The following NXPH1 variants were observed in gnomAD, a reference collection of about 807,000 sequenced individuals.
NXPH1 encodes the protein neurexophilin-1.
NXPH1 carries 5 observed loss-of-function variants against 23.7 expected under a neutral mutation model. The observed-to-expected ratio is 0.21, with a 90% confidence interval of 0.11 to 0.44. The LOEUF is 0.44. Among genes scored for constraint, NXPH1 ranks in the 20% least tolerant of loss-of-function variants. The pLI is 0.99. For synonymous variants in NXPH1, 144 were observed against 122.2 expected (o/e 1.18, Z -1.18); for missense variants, 324 against 321.6 (o/e 1.01, Z -0.06).
Position 8,557,368 on chromosome 7 carries a change from C to G in NXPH1, c.54+121601C>G, listed in dbSNP as rs140577007. On this transcript the variant is annotated intron_variant, in intron 2 of 2. Transcript: ENST00000405863. ...TCAAATATCTCATAACAATGTCAAT[C>G]AACACCTTCCTTTAAAACATTCAGA... Among the ~76,000 whole-genome samples, 424 of 151,846 alleles carry G rather than the reference C, an allele frequency of 2.8e-3. 3 individuals carry two copies. The highest frequency in any genetic ancestry group is 9.7e-3 in the African/African-American group (401 of 41,508).
intron 2 of NXPH1, among the ~76,000 whole-genome samples, chr7:8,655,396 GTCTTTC>G (rs1238808312): frequency 3.6e-5 from 5 of 139,242 alleles, no homozygotes; most frequent in African/African-American, 1.4e-4. Context: ...CTTTGTCTTT[GTCTTTC>G]TCTCTCTCTC....
chr7:8,731,189 C>T (rs1165997919), intron 2 of NXPH1, among the ~76,000 whole-genome samples: 2 of 152,094 alleles, frequency 1.3e-5, no homozygotes, highest in East Asian at 1.9e-4. Flanking sequence ...TTTTCAGCTC[C>T]ATCAGCTCCT....
chr7:8,703,816 A>G (rs1779664329), intron 2 of NXPH1, among the ~76,000 whole-genome samples: 1 of 152,072 alleles, frequency 6.6e-6, no homozygotes, highest in Non-Finnish European at 1.5e-5. Context: ...AACCCACTAG[A>G]AAGAGACATA....
chr7:8,479,225 C>T (rs988745223), intron 2 of NXPH1, among the ~76,000 whole-genome samples: 1 of 152,012 alleles, frequency 6.6e-6, no homozygotes, highest in Non-Finnish European at 1.5e-5. Context: ...AGTGGGGATA[C>T]AAATGAGGTA....
At chr7:8,694,248 G>A (rs907748822) in intron 2 of NXPH1, among the ~76,000 whole-genome samples, 14 of 152,292 alleles carry the variant, frequency 9.2e-5, no homozygotes, top group African/African-American at 2.6e-4. Context: ...GTGCAGGTGC[G>A]TGGTGGTCTC....
At position 8,442,522 on chromosome 7, in the gene NXPH1, A is replaced by G. The variant is rs1424742653; in HGVS notation, c.54+6755A>G. On this transcript the variant is annotated intron_variant, in intron 2 of 2. Coordinates refer to ENST00000405863, the MANE Select transcript of NXPH1 (RefSeq NM_152745.3). The surrounding 1 kb of genome is among the most constrained non-coding windows in gnomAD (Gnocchi z 4.6). Reference sequence around the variant, plus strand: ...GCATCCGGCTCACACATCCCACCCTATGTCTTAGACCCCGTCCTCACACAT... The same window carrying G: ...GCATCCGGCTCACACATCCCACCCTGTGTCTTAGACCCCGTCCTCACACAT... Among the ~76,000 whole-genome samples the G allele has an allele frequency of 6.6e-6, 1 of 152,104 alleles. No individual in the cohort carries two copies. The highest frequency in any genetic ancestry group is 1.9e-4 in the East Asian group (1 of 5,182).
chr7:8,637,794 G>A (rs547055458), intron 2 of NXPH1, among the ~76,000 whole-genome samples: 13 of 152,276 alleles, frequency 8.5e-5, no homozygotes, highest in African/African-American at 2.6e-4. Context: ...TCTTACATAA[G>A]TGGTTTAAGT....
chr7:8,519,787 CTGTT>C (rs1294552616), intron 2 of NXPH1, among the ~76,000 whole-genome samples: 1 of 152,054 alleles, frequency 6.6e-6, no homozygotes, highest in Admixed American at 6.6e-5. Context: ...ATTGAATTCA[CTGTT>C]TGTTAACAAG....
chr7:8,662,617 T>C (rs1403898282), intron 2 of NXPH1, among the ~76,000 whole-genome samples: 2 of 152,066 alleles, frequency 1.3e-5, no homozygotes, highest in Non-Finnish European at 2.9e-5. Flanking sequence ...GGGTGAGTAG[T>C]AGTTGTTATT....
intron 2 of NXPH1, among the ~76,000 whole-genome samples, chr7:8,515,965 C>T (rs1409831156): frequency 1.3e-5 from 2 of 152,148 alleles, no homozygotes; most frequent in African/African-American, 4.8e-5. Context: ...CTCTCACACA[C>T]TCATGCATAC....
At position 8,654,360 on chromosome 7, in the gene NXPH1, C is replaced by T. The variant is rs1004038339; in HGVS notation, c.55-96648C>T. Among the ~76,000 whole-genome samples the T allele has an allele frequency of 3.3e-5, 5 of 152,126 alleles. No homozygotes were observed. In the South Asian group the frequency reaches 6.2e-4, roughly 19 times the overall value. On this transcript the variant is annotated intron_variant, in intron 2 of 2. Coordinates refer to ENST00000405863, the MANE Select transcript of NXPH1 (RefSeq NM_152745.3). ...GAGTGAGGGGCGAATATGTGTAGCT[C>T]AGCTGTTTTGAAAATGATCTGTTTG...
At chr7:8,690,427 T>A (rs1443541440) in intron 2 of NXPH1, 1 of 152,236 alleles carries the variant, frequency 6.6e-6, no homozygotes, top group African/African-American at 2.4e-5. Context: ...TTGCTTTGTT[T>A]TTAAAGATAT....
intron 2 of NXPH1, among the ~76,000 whole-genome samples, chr7:8,481,360 G>C (rs1817068711): frequency 6.6e-6 from 1 of 152,040 alleles, no homozygotes; most frequent in South Asian, 2.1e-4. Context: ...TAATAGGATG[G>C]GTATAGAAAA....
At chr7:8,521,660 A>G (rs1817773501) in intron 2 of NXPH1, among the ~76,000 whole-genome samples, 2 of 152,176 alleles carry the variant, frequency 1.3e-5, no homozygotes, top group Admixed American at 1.3e-4. Context: ...GGGGTTCGCA[A>G]TTGAGATATA....
At chr7:8,696,521 T>G (rs576580958) in intron 2 of NXPH1, among the ~76,000 whole-genome samples, 50 of 152,160 alleles carry the variant, frequency 3.3e-4, no homozygotes, top group Non-Finnish European at 6.6e-4. Context: ...TTGAGAAAGA[T>G]CTCTCTGGGG....
intron 2 of NXPH1, among the ~76,000 whole-genome samples, chr7:8,494,726 T>A (rs977448579): frequency 6.6e-6 from 1 of 152,112 alleles, no homozygotes; most frequent in African/African-American, 2.4e-5. Context: ...TGAACTTAAG[T>A]CACTGCATTA....
At chr7:8,472,575 A>G (rs1319911000) in intron 2 of NXPH1, among the ~76,000 whole-genome samples, 6 of 152,072 alleles carry the variant, frequency 3.9e-5, no homozygotes, top group Non-Finnish European at 8.8e-5. Flanking sequence ...TCTGGATGCC[A>G]CACTTCCTTG....
intron 2 of NXPH1, among the ~76,000 whole-genome samples, chr7:8,551,669 C>A (rs73050664): frequency 0.062 from 9,396 of 151,360 alleles, 325 homozygotes; most frequent in Middle Eastern, 0.11. Flanking sequence ...GAAAAACATT[C>A]TTTTAAAATA....
At chr7:8,618,785 A>G (rs1289007889) in intron 2 of NXPH1, among the ~76,000 whole-genome samples, 1 of 152,208 alleles carries the variant, frequency 6.6e-6, no homozygotes, top group Non-Finnish European at 1.5e-5. Context: ...AATCTGCATA[A>G]GAAGAACTGG....
Sources: allele counts gnomAD v4.1 joint callset (sites outside exome capture counted in the v4.1 genomes callset), GRCh38; gene constraint gnomAD v4.1.1; non-coding constraint Gnocchi (gnomAD v3.1); transcripts MANE v1.5; gene names NCBI Gene and HGNC (gene_info 2026-07-23, HGNC 2026-07-21).